The following ACTR3B variants were observed in gnomAD, a reference collection of about 807,000 sequenced individuals.
ACTR3B encodes the protein actin related protein 3B, also known as actin-related protein 3B.
ACTR3B carries 8 observed loss-of-function variants against 59.0 expected under a neutral mutation model. That is an observed-to-expected ratio of 0.14 (90% CI 0.08 to 0.24). ACTR3B has a LOEUF of 0.24. ACTR3B is among the 10% of genes least tolerant of loss of function. The pLI is 1.00. For synonymous variants in ACTR3B, 148 were observed against 197.9 expected (o/e 0.75, Z 2.12); for missense variants, 245 against 552.3 (o/e 0.44, Z 5.58).
chr7:152,763,434 C>CTT (rs993893068), intron 1 of ACTR3B, among the ~76,000 whole-genome samples: 1 of 124,348 alleles, frequency 8.0e-6, no homozygotes, highest in African/African-American at 3.0e-5. Flanking sequence ...TTGTTTTTTT[C>CTT]TTTTTTTTTG....
chr7:152,815,767 T>G, intron 5 of ACTR3B, among the ~76,000 whole-genome samples: 1 of 152,326 alleles, frequency 6.6e-6, no homozygotes, highest in Non-Finnish European at 1.5e-5. Flanking sequence ...CCTTCCAGAT[T>G]AGAATTTCTG....
chr7:152,853,439 T>TTAGA (rs1798997231), intron 10 of ACTR3B, 55 bp from the exon 11 acceptor site: 4 of 1,539,462 alleles, frequency 2.6e-6, no homozygotes, highest in Non-Finnish European at 3.6e-6. Flanking sequence ...CGGGGGATGA[T>TTAGA]TAGATCACAT....
intron 1 of ACTR3B, among the ~76,000 whole-genome samples, chr7:152,781,890 G>A (rs2098155265): frequency 6.6e-6 from 1 of 151,918 alleles, no homozygotes; most frequent in African/African-American, 2.4e-5. Context: ...AGCTGGAGAG[G>A]GCTTCACCTG....
chr7:152,789,353 C>G (rs1007448197), intron 2 of ACTR3B, among the ~76,000 whole-genome samples: 1 of 149,748 alleles, frequency 6.7e-6, no homozygotes, highest in Non-Finnish European at 1.5e-5. Flanking sequence ...GATTGTGCCA[C>G]TACACTCCTG....
At chr7:152,789,549 AT>A (rs76565911) in intron 2 of ACTR3B, among the ~76,000 whole-genome samples, 3,904 of 141,108 alleles carry the variant, frequency 0.028, 300 homozygotes, top group African/African-American at 0.067. Context: ...GGTTTGTAAG[AT>A]TTTTTTTTTT....
At position 152,834,680 on chromosome 7, in the gene ACTR3B, G is replaced by A. The variant is rs563321911; in HGVS notation, c.951+9558G>A. Among the ~76,000 whole-genome samples the A allele has an allele frequency of 3.9e-3, 592 of 152,208 alleles. 5 individuals are homozygous for A. Among genetic ancestry groups the A allele is most frequent in the South Asian group, 0.038 (182 of 4,826 alleles). On this transcript the variant is annotated intron_variant, in intron 9 of 11. Coordinates refer to ENST00000256001, the MANE Select transcript of ACTR3B (RefSeq NM_020445.6). Reference sequence around the variant, plus strand: ...TACCAACTCTTTTTTCTGTATTTAGGTTTTTGACACTCTTCTAGCTTAGGT... The same window carrying A: ...TACCAACTCTTTTTTCTGTATTTAGATTTTTGACACTCTTCTAGCTTAGGT...
intron 9 of ACTR3B, among the ~76,000 whole-genome samples, chr7:152,830,434 A>G (rs1198790524): frequency 6.6e-6 from 1 of 152,268 alleles, no homozygotes; most frequent in Non-Finnish European, 1.5e-5. Context: ...CTGCTATAGC[A>G]AAGGGATTGA....
chr7:152,832,253 T>C (rs1173049019), intron 9 of ACTR3B, among the ~76,000 whole-genome samples: 4 of 152,118 alleles, frequency 2.6e-5, no homozygotes, highest in Non-Finnish European at 2.9e-5. Flanking sequence ...CGGGGCACCC[T>C]TCTGAGGCAG....
rs2116524129 is a variant in ACTR3B, at chr7:152,770,135, A to G, written c.44+10209A>G. 2.6e-5 allele frequency among the ~76,000 whole-genome samples: 4 copies of G among 152,008 alleles called. No individual in the cohort carries two copies. The South Asian group carries it at 8.3e-4, about 32-fold the overall frequency. ...TAGTTTATTGGGCATATGGTGCTAT[A>G]AATATACATTCATGTAACACTACTT... On this transcript the variant is annotated intron_variant, in intron 1 of 11. Transcript: ENST00000256001.
Position 152,853,533 on chromosome 7 carries a change from C to T in ACTR3B, c.1117C>T (p.Gln373Ter). The T allele has an allele frequency of 6.2e-7, 1 of 1,612,690 alleles. No individual in the cohort carries two copies. Residue 373 changes from glutamine (Q) to a stop codon, truncating the protein, a stop_gained, in exon 11 of 12, where the codon CAG becomes TAG. Transcript: ENST00000256001. LOFTEE classifies it high-confidence loss of function. ...GGTCCAGGTGGTCACGCATCACATGCAGCGCTACGCCGTGTGGTTCGGAGG... is the reference window on the plus strand; with the variant it reads ...GGTCCAGGTGGTCACGCATCACATGTAGCGCTACGCCGTGTGGTTCGGAGG... ...VEVQVVTHHM[Q>*]RYAVWFGGSM...
intron 9 of ACTR3B, among the ~76,000 whole-genome samples, chr7:152,849,155 C>T (rs1798598366): frequency 6.6e-6 from 1 of 152,186 alleles, no homozygotes; most frequent in Non-Finnish European, 1.5e-5. Flanking sequence ...AGTGAAACCC[C>T]CAGATGAGGA....
At chr7:152,850,354 G>T (rs529037683) in intron 9 of ACTR3B, among the ~76,000 whole-genome samples, 1 of 151,802 alleles carries the variant, frequency 6.6e-6, no homozygotes, top group Admixed American at 6.6e-5. Context: ...AGCTTCTCCA[G>T]GTGGAAGGCC....
intron 1 of ACTR3B, among the ~76,000 whole-genome samples, chr7:152,770,119 G>A (rs1451669612): frequency 2.0e-5 from 3 of 151,444 alleles, no homozygotes; most frequent in African/African-American, 7.3e-5. Flanking sequence ...ATAGTTTATT[G>A]GGCATATGGT....
intron 1 of ACTR3B, among the ~76,000 whole-genome samples, chr7:152,769,869 TAAA>T (rs5888484): frequency 5.0e-5 from 7 of 139,438 alleles, no homozygotes; most frequent in Non-Finnish European, 7.8e-5. Flanking sequence ...ATCTGATTTG[TAAA>T]AAAAAAAAAA....
Position 152,825,021 on chromosome 7 carries a change from A to G in ACTR3B, c.859-9A>G, listed in dbSNP as rs200266060. On this transcript the variant is annotated splice_polypyrimidine_tract_variant and intron_variant, in intron 8 of 11. Transcript: ENST00000256001. ...TGTAATGTTTCTTTTATATTGATAC[A>G]CAATTCAGTTTGCCAACCCAGACTT... 42 of 1,612,076 alleles carry G rather than the reference A, an allele frequency of 2.6e-5. No homozygotes were observed. The highest frequency in any genetic ancestry group is 8.4e-5 in the Admixed American group (5 of 59,576).
chr7:152,817,839 G>A (rs181706428), intron 6 of ACTR3B, among the ~76,000 whole-genome samples: 96 of 152,124 alleles, frequency 6.3e-4, no homozygotes, highest in African/African-American at 2.1e-3. Context: ...ATGGGGTGAC[G>A]TACTAATACC....
chr7:152,787,783 AC>A (rs1267404837), intron 2 of ACTR3B, among the ~76,000 whole-genome samples: 1 of 151,788 alleles, frequency 6.6e-6, no homozygotes, highest in Non-Finnish European at 1.5e-5. Flanking sequence ...AAACACTATT[AC>A]TTTATCATGT....
chr7:152,854,375 G>C lies in ACTR3B; in HGVS notation c.1162-83G>C. On this transcript the variant is annotated intron_variant, in intron 11 of 11. Transcript: ENST00000256001. This position sits in a 1 kb window ranked among gnomAD's most constrained non-coding sequence, Gnocchi z 4.9. ...GGGAGGGTGGAGGCCGGGATGAGGAGAGTGTCTTGCCTGCTTGGTAGCTGG... is the reference window on the plus strand; with the variant it reads ...GGGAGGGTGGAGGCCGGGATGAGGACAGTGTCTTGCCTGCTTGGTAGCTGG... 2 of 1,262,498 alleles carry C rather than the reference G, an allele frequency of 1.6e-6. No individual in the cohort carries two copies. The highest frequency in any genetic ancestry group is 3.4e-5 in the Admixed American group (2 of 58,912). The allele number at this position is 1,262,498 out of a possible 1,614,324, so 78.2% of individuals were successfully genotyped here.
chr7:152,845,372 C>T (rs1358772404), intron 9 of ACTR3B, among the ~76,000 whole-genome samples: 3 of 152,146 alleles, frequency 2.0e-5, no homozygotes, highest in Non-Finnish European at 2.9e-5. Flanking sequence ...ACAGGCCATC[C>T]CGAATCTTGC....
Sources: gnomAD v4.1 joint callset for allele counts (sites outside exome capture counted in the v4.1 genomes callset) on GRCh38, gnomAD v4.1.1 for gene constraint, Gnocchi (gnomAD v3.1) non-coding constraint, MANE v1.5 for transcripts, NCBI Gene and HGNC (gene_info 2026-07-23, HGNC 2026-07-21) for gene names.